The following ITGAV variants were observed in gnomAD, a reference collection of about 807,000 sequenced individuals.
ITGAV encodes the protein integrin alpha-V.
Under a neutral mutation model 143.8 loss-of-function variants are expected in ITGAV, and 76 were observed. The observed-to-expected ratio is 0.53, with a 90% CI of 0.44 to 0.64. The LOEUF (loss-of-function observed/expected upper bound fraction) is 0.64. ITGAV is among the 30% of genes least tolerant of loss of function. The probability of loss-of-function intolerance (pLI) is 0.00; values close to 1 mark genes in which losing one functional copy is unlikely to be tolerated. For missense variants in ITGAV, 1,193 were observed against 1,274.7 expected, an observed-to-expected ratio of 0.94 and a Z score of 0.98; for synonymous variants, 453 against 446.7, an observed-to-expected ratio of 1.01 and a Z score of -0.18.
chr2:186,646,328 C>T (rs1688255946), intron 12 of ITGAV, among the ~76,000 whole-genome samples: 1 of 152,092 alleles, frequency 6.6e-6, no homozygotes, highest in South Asian at 2.1e-4. Flanking sequence ...TCCCCTACCC[C>T]TAGTTTTAAT....
At chr2:186,672,124 TTG>T (rs1251495683) in intron 26 of ITGAV, among the ~76,000 whole-genome samples, 1 of 152,040 alleles carries the variant, frequency 6.6e-6, no homozygotes, top group East Asian at 1.9e-4. Flanking sequence ...GCTAATTTTT[TTG>T]TGTTTTTAGT....
intron 6 of ITGAV, 116 bp from the exon 7 acceptor site, chr2:186,635,966 A>G: frequency 1.0e-5 from 8 of 767,224 alleles, no homozygotes; most frequent in Non-Finnish European, 1.4e-5. Flanking sequence ...TGTACGGCTA[A>G]TAATTAGAAG....
intron 14 of ITGAV, among the ~76,000 whole-genome samples, chr2:186,651,538 T>C (rs1174309111): frequency 6.6e-6 from 1 of 152,216 alleles, no homozygotes; most frequent in Non-Finnish European, 1.5e-5. Flanking sequence ...ATATTATGTA[T>C]GTATGTATGT....
At chr2:186,673,402 G>C (rs1048005878) in intron 26 of ITGAV, among the ~76,000 whole-genome samples, 1 of 152,090 alleles carries the variant, frequency 6.6e-6, no homozygotes, top group Non-Finnish European at 1.5e-5. Context: ...AGTCCCTTGC[G>C]ATTCCATGTG....
At chr2:186,605,794 T>TGTA (rs1687045403) in intron 2 of ITGAV, among the ~76,000 whole-genome samples, 1 of 65,346 alleles carries the variant, frequency 1.5e-5, no homozygotes, top group African/African-American at 4.3e-5. Flanking sequence ...TATGTATATG[T>TGTA]ATAATATATT....
intron 13 of ITGAV, among the ~76,000 whole-genome samples, chr2:186,648,555 C>G (rs1391911588): frequency 6.6e-6 from 1 of 152,164 alleles, no homozygotes; most frequent in Non-Finnish European, 1.5e-5. Context: ...AACTTCACCG[C>G]CCGGGTTCAA....
intron 18 of ITGAV, chr2:186,660,724 T>C (rs1369125878): frequency 6.6e-6 from 1 of 152,222 alleles, no homozygotes; most frequent in African/African-American, 2.4e-5. Flanking sequence ...TTTCTAGGGC[T>C]GTCATAACAA....
Position 186,662,405 on chromosome 2 carries a change from A to AG in ITGAV, c.1858-1363_1858-1362insG, listed in dbSNP as rs566769773. Among the ~76,000 whole-genome samples, 313 of 152,048 alleles carry AG rather than the reference A, an allele frequency of 2.1e-3. 1 individual carries two copies. The highest frequency in any genetic ancestry group is 7.2e-3 in the African/African-American group (297 of 41,506). ...ACAGTTACGAATCTTTGTCCAATAT[A>AG]TAGCCACTTGCAAGCCTCATGTGGC... is the stretch of plus-strand genomic sequence containing the variant. On this transcript the variant is annotated intron_variant, in intron 18 of 29. Transcript: ENST00000261023.
chr2:186,664,511 A>G lies in ITGAV; in HGVS notation c.1943A>G (p.Tyr648Cys), dbSNP rs201180647. Residue 648 changes from tyrosine (Y) to cysteine (C), a missense_variant, in exon 20 of 30, where the codon TAT (tyrosine) becomes TGT (cysteine). By Grantham distance (194) the Tyr-to-Cys change is radical. Coordinates refer to ENST00000261023, the MANE Select transcript of ITGAV (RefSeq NM_002210.5). The part of the protein sequence containing the change: ...VSVDSDQKKI[Y>C]IGDDNPLTLI... ...ACTTGTAGTGATCAAAAGAAGATCT[A>G]TATTGGGGATGACAACCCTCTGACA... The G allele has an allele frequency of 1.4e-5, 23 of 1,613,836 alleles. No homozygotes were observed. The highest frequency in any genetic ancestry group is 1.9e-5 in the Non-Finnish European group (22 of 1,179,878).
intron 4 of ITGAV, among the ~76,000 whole-genome samples, chr2:186,628,899 A>G (rs1437634729): frequency 6.6e-6 from 1 of 151,960 alleles, no homozygotes; most frequent in South Asian, 2.1e-4. Context: ...TTCAGGTCCT[A>G]CTCTCTTATT....
intron 8 of ITGAV, among the ~76,000 whole-genome samples, chr2:186,637,829 C>T (rs1285733593): frequency 6.6e-6 from 1 of 152,102 alleles, no homozygotes; most frequent in Non-Finnish European, 1.5e-5. Context: ...TTACCCCATC[C>T]TCTCATTGTC....
intron 1 of ITGAV, among the ~76,000 whole-genome samples, chr2:186,590,982 C>G (rs145540801): frequency 1.3e-5 from 2 of 152,148 alleles, no homozygotes; most frequent in African/African-American, 2.4e-5. Flanking sequence ...AACAAGCCCT[C>G]CCCCACTCTT....
intron 16 of ITGAV, 93 bp from the exon 17 acceptor site, chr2:186,656,154 G>A: frequency 3.5e-6 from 3 of 855,984 alleles, no homozygotes; most frequent in Non-Finnish European, 3.6e-6. Flanking sequence ...ACTTCTTAAG[G>A]AATAAAGATC....
intron 8 of ITGAV, among the ~76,000 whole-genome samples, chr2:186,637,481 C>CAA (rs5836991): frequency 8.5e-5 from 9 of 105,810 alleles, no homozygotes; most frequent in African/African-American, 1.1e-4. Context: ...GACCCTGTCT[C>CAA]AAAAAAAAAA....
chr2:186,675,719 T>TA lies in ITGAV; in HGVS notation c.2820+4dup. On this transcript the variant is annotated splice_region_variant and intron_variant, in intron 27 of 29. Transcript: ENST00000261023. ...CTGTGGACTGAGACTTTTATGAATG[T>TA]AAGTAGACAGGTGCAGCATTTAGCA... 1 of 1,601,864 alleles carries TA rather than the reference T, an allele frequency of 6.2e-7. No individual in the cohort carries two copies. Among genetic ancestry groups the TA allele is most frequent in the Non-Finnish European group, 8.6e-7 (1 of 1,168,900 alleles).
At chr2:186,633,889 A>G (rs1359916258) in intron 6 of ITGAV, among the ~76,000 whole-genome samples, 2 of 152,144 alleles carry the variant, frequency 1.3e-5, no homozygotes, top group Non-Finnish European at 2.9e-5. Context: ...GAAGCTGGGC[A>G]TGGTGGCGTG....
At chr2:186,601,437 G>C (rs946239131) in intron 1 of ITGAV, among the ~76,000 whole-genome samples, 1 of 150,996 alleles carries the variant, frequency 6.6e-6, no homozygotes, top group Non-Finnish European at 1.5e-5. Context: ...TCCAGCCTGG[G>C]TGACAAAGCA....
intron 1 of ITGAV, among the ~76,000 whole-genome samples, chr2:186,595,154 C>G (rs1686711729): frequency 6.6e-6 from 1 of 152,208 alleles, no homozygotes; most frequent in Admixed American, 6.5e-5. Flanking sequence ...ACATTTATTT[C>G]TATATACATG....
intron 12 of ITGAV, among the ~76,000 whole-genome samples, chr2:186,644,666 T>C (rs1408016675): frequency 6.6e-6 from 1 of 152,112 alleles, no homozygotes; most frequent in Non-Finnish European, 1.5e-5. Flanking sequence ...AGAATACTTT[T>C]ACATAAGTTA....
Sources: allele counts gnomAD v4.1 joint callset (sites outside exome capture counted in the v4.1 genomes callset), GRCh38; gene constraint gnomAD v4.1.1; transcripts MANE v1.5; gene names NCBI Gene and HGNC (gene_info 2026-07-23, HGNC 2026-07-21).